Variants in IRAG1 observed in about 807,000 individuals in gnomAD.
IRAG1 encodes the protein IP3R-associated cGMP kinase substrate.
A neutral mutation model predicts 106.2 loss-of-function variants in IRAG1; 62 were observed. That is an observed-to-expected ratio of 0.58 (90% CI 0.48 to 0.72). IRAG1 has a LOEUF of 0.72. Among genes scored for constraint, IRAG1 ranks in the 30% least tolerant of loss-of-function variants. The pLI is 0.00. For synonymous variants in IRAG1, 462 were observed against 443.9 expected (o/e 1.04, Z -0.51); for missense variants, 1,064 against 1,140.7 (o/e 0.93, Z 0.97).
At chr11:10,671,927 T>C (rs1290001690) in intron 1 of IRAG1, among the ~76,000 whole-genome samples, 8 of 152,144 alleles carry the variant, frequency 5.3e-5, no homozygotes, top group Admixed American at 5.2e-4. Context: ...AAAAAAATTA[T>C]CTACACATCC....
Position 10,593,276 on chromosome 11 carries a change from C to A in IRAG1, c.2175+216G>T, listed in dbSNP as rs144346204. 2.0e-3 allele frequency: 810 copies of A among 414,638 alleles called. 6 individuals are homozygous for A. Among genetic ancestry groups the A allele is most frequent in the African/African-American group, 0.015 (738 of 48,706 alleles). The allele number at this position is 414,638 out of a possible 1,614,324, so 25.7% of individuals were successfully genotyped here. A position where few individuals can be genotyped will look rare whatever the true frequency, so the allele number is the denominator to read the frequency against. On this transcript the variant is annotated intron_variant, in intron 17 of 20. Transcript: ENST00000423302. ...TTTGCAAAGAACGCTGAGCTGCCAA[C>A]ACCATGCTGAGGGCAGTGGGACTTC... is the stretch of plus-strand genomic sequence containing the variant.
intron 2 of IRAG1, among the ~76,000 whole-genome samples, chr11:10,648,245 T>A (rs1858140315): frequency 6.6e-6 from 1 of 152,114 alleles, no homozygotes; most frequent in Admixed American, 6.5e-5. Context: ...AGGCCTGTAG[T>A]CCCGGCTATT....
intron 1 of IRAG1, among the ~76,000 whole-genome samples, chr11:10,690,616 G>A (rs1380479021): frequency 6.6e-6 from 1 of 152,120 alleles, no homozygotes; most frequent in African/African-American, 2.4e-5. Context: ...TGATTTTCCT[G>A]TGATTTGGAC....
intron 4 of IRAG1, among the ~76,000 whole-genome samples, chr11:10,630,290 G>T (rs1339355411): frequency 6.6e-6 from 1 of 151,478 alleles, no homozygotes; most frequent in Non-Finnish European, 1.5e-5. Context: ...CATCCAATCA[G>T]TTGATCAAGT....
At chr11:10,636,639 G>A (rs982087903) in intron 2 of IRAG1, among the ~76,000 whole-genome samples, 11 of 152,238 alleles carry the variant, frequency 7.2e-5, no homozygotes, top group African/African-American at 1.7e-4. Flanking sequence ...TAAAGGGCTC[G>A]CAGTCAAGCA....
intron 2 of IRAG1, among the ~76,000 whole-genome samples, chr11:10,635,417 C>A (rs1228830150): frequency 6.6e-6 from 1 of 152,228 alleles, no homozygotes; most frequent in Non-Finnish European, 1.5e-5. Flanking sequence ...AGCTTCAAAG[C>A]AGTGGGTGCC....
intron 12 of IRAG1, 89 bp downstream of exon 12, chr11:10,606,653 G>T: frequency 7.6e-7 from 1 of 1,315,772 alleles, no homozygotes; most frequent in Non-Finnish European, 1.0e-6. Context: ...GTCTAAAAAT[G>T]TCAGAGCTAG....
intron 10 of IRAG1, among the ~76,000 whole-genome samples, chr11:10,610,612 A>G (rs1268948849): frequency 2.0e-5 from 3 of 152,170 alleles, no homozygotes; most frequent in Non-Finnish European, 4.4e-5. Flanking sequence ...ACTGTGGCCC[A>G]TGGTCTCTAG....
At chr11:10,580,243 C>G (rs950285884) in intron 20 of IRAG1, among the ~76,000 whole-genome samples, 5 of 152,160 alleles carry the variant, frequency 3.3e-5, no homozygotes, top group African/African-American at 1.2e-4. Context: ...CAAGCTCTTG[C>G]AAACTTCTCA....
chr11:10,629,859 T>C (rs1322768307), intron 4 of IRAG1, 148 bp from the exon 5 acceptor site: 4 of 769,896 alleles, frequency 5.2e-6, no homozygotes. Context: ...GAGGGTTGCA[T>C]GGGGACAGAC....
Position 10,683,886 on chromosome 11 carries a change from T to TA in IRAG1, c.67+9649dup, listed in dbSNP as rs34835579. On this transcript the variant is annotated intron_variant, in intron 1 of 20. Transcript: ENST00000423302. ...GAAAGCAGGAAAATTGTTGACACTTTAAAAAAAAAAAAAAAAGCATGATTT... is the reference window on the plus strand; with the variant it reads ...GAAAGCAGGAAAATTGTTGACACTTTAAAAAAAAAAAAAAAAAGCATGATTT... Among the ~76,000 whole-genome samples, 885 of 147,486 alleles carry TA rather than the reference T, an allele frequency of 6.0e-3. 12 individuals carry two copies. Among genetic ancestry groups the TA allele is most frequent in the African/African-American group, 0.02 (814 of 40,200 alleles).
intron 2 of IRAG1, among the ~76,000 whole-genome samples, chr11:10,637,429 CA>C (rs1216565623): frequency 1.3e-5 from 2 of 152,172 alleles, no homozygotes; most frequent in Admixed American, 1.3e-4. Flanking sequence ...TGAAAAGCAA[CA>C]ACTCATTCTC....
Position 10,649,793 on chromosome 11 carries a change from T to C in IRAG1, c.225+2232A>G, listed in dbSNP as rs181337179. Among the ~76,000 whole-genome samples, 6 of 152,256 alleles carry C rather than the reference T, an allele frequency of 3.9e-5. No homozygotes were observed. The East Asian group carries it at 7.7e-4, about 20-fold the overall frequency. ...AAAGTTGAGAGTAAGCGATCCCTGA[T>C]TGGCTAGTGGGAGCTCCAAATTCCA... On this transcript the variant is annotated intron_variant, in intron 2 of 20. Transcript: ENST00000423302.
In IRAG1 at chr11:10,576,071, C is replaced by T; in HGVS notation, c.*261G>A. On this transcript the variant is annotated 3_prime_UTR_variant, in exon 21 of 21. Coordinates refer to ENST00000423302, the MANE Select transcript of IRAG1 (RefSeq NM_130385.4). ...ACCTGAGCTAGGGGCAGGAGACCTT[C>T]CCTTCCAATAGAGTTCCTTGGTGAA... The T allele has an allele frequency of 2.1e-6, 1 of 478,908 alleles. No individual in the cohort carries two copies. The highest frequency in any genetic ancestry group is 3.8e-6 in the Non-Finnish European group (1 of 262,904). The allele number at this position is 478,908 out of a possible 1,614,324, so 29.7% of individuals were successfully genotyped here.
At chr11:10,631,916 G>T (rs945716789) in intron 4 of IRAG1, 75 bp downstream of exon 4, 2 of 1,247,012 alleles carry the variant, frequency 1.6e-6, no homozygotes, top group Non-Finnish European at 1.2e-6. Context: ...GCAGGAGAGA[G>T]GAAGGAGTCA....
chr11:10,576,707 A>G (rs1850847265), intron 20 of IRAG1, 132 bp from the exon 21 acceptor site: 1 of 1,159,980 alleles, frequency 8.6e-7, no homozygotes, highest in Middle Eastern at 2.1e-4. Context: ...CTGTGCCTAG[A>G]TTGGGTTGGC....
At chr11:10,650,859 G>A (rs1327920564) in intron 2 of IRAG1, among the ~76,000 whole-genome samples, 1 of 152,174 alleles carries the variant, frequency 6.6e-6, no homozygotes, top group African/African-American at 2.4e-5. Flanking sequence ...ATCTTAATCC[G>A]ATGAGCTTGG....
At chr11:10,617,637 G>A (rs1046455169) in intron 10 of IRAG1, among the ~76,000 whole-genome samples, 9 of 152,198 alleles carry the variant, frequency 5.9e-5, no homozygotes, top group African/African-American at 1.9e-4. Flanking sequence ...GCTGCTTTCC[G>A]TGGGCATTTG....
At chr11:10,671,388 T>C (rs996242742) in intron 1 of IRAG1, among the ~76,000 whole-genome samples, 32 of 152,280 alleles carry the variant, frequency 2.1e-4, no homozygotes, top group Admixed American at 6.5e-4. Context: ...CTATTCACAA[T>C]AGCATCAAAA....
Sources: gnomAD v4.1 joint callset for allele counts (sites outside exome capture counted in the v4.1 genomes callset) on GRCh38, gnomAD v4.1.1 for gene constraint, MANE v1.5 for transcripts, NCBI Gene and HGNC (gene_info 2026-07-23, HGNC 2026-07-21) for gene names.